RAB3B: variants seen among roughly 807,000 people sequenced by gnomAD.
RAB3B encodes ras-related protein Rab-3B.
RAB3B carries 11 observed loss-of-function variants against 20.5 expected under a neutral mutation model. The observed-to-expected ratio is 0.54, with a 90% CI of 0.34 to 0.89. The LOEUF is 0.89. Ranked by LOEUF, RAB3B falls within the 40% of genes least tolerant of loss-of-function variation. The pLI is 0.02. For missense variants in RAB3B, 225 were observed against 280.9 expected (o/e 0.80, Z 1.42); for synonymous variants, 99 against 106.3 (o/e 0.93, Z 0.42).
At chr1:51,924,811 C>T (rs917505707) in intron 4 of RAB3B, among the ~76,000 whole-genome samples, 4 of 152,104 alleles carry the variant, frequency 2.6e-5, no homozygotes, top group Non-Finnish European at 4.4e-5. Flanking sequence ...ATTAGTAGGT[C>T]CATATGGTAA....
chr1:51,972,489 CTTTTTTTTT>C (rs1160625371), intron 2 of RAB3B, among the ~76,000 whole-genome samples: 1 of 130,868 alleles, frequency 7.6e-6, no homozygotes, highest in South Asian at 2.4e-4. Context: ...TTTCTTTTTT[CTTTTTTTTT>C]TTTTTTTTGA....
chr1:51,935,874 G>A (rs989820554), intron 3 of RAB3B, among the ~76,000 whole-genome samples: 2 of 152,108 alleles, frequency 1.3e-5, no homozygotes, highest in Non-Finnish European at 2.9e-5. Context: ...GGACAGAAAG[G>A]AGGAAGAAGA....
chr1:51,938,126 G>A (rs558510858), intron 2 of RAB3B, among the ~76,000 whole-genome samples: 5 of 150,332 alleles, frequency 3.3e-5, no homozygotes, highest in South Asian at 4.2e-4. Flanking sequence ...CTCAGTCTCC[G>A]AGTAGCTGGG....
At chr1:51,940,948 C>A (rs1424099870) in intron 2 of RAB3B, among the ~76,000 whole-genome samples, 1 of 151,700 alleles carries the variant, frequency 6.6e-6, no homozygotes, top group Admixed American at 6.6e-5. Context: ...TTTCACTGGC[C>A]AAAGCAAGTC....
chr1:51,931,647 G>A (rs919294567), intron 4 of RAB3B, among the ~76,000 whole-genome samples: 4 of 152,074 alleles, frequency 2.6e-5, no homozygotes, highest in African/African-American at 7.2e-5. Flanking sequence ...GGGAACTTTC[G>A]GGAGACAGAC....
intron 2 of RAB3B, among the ~76,000 whole-genome samples, chr1:51,970,081 A>C (rs914591683): frequency 1.9e-4 from 28 of 150,826 alleles, no homozygotes; most frequent in Admixed American, 3.3e-4. Context: ...AAAAAAAAAA[A>C]CCCAAAAAAC....
At chr1:51,920,639 C>G (rs1176430124) in intron 4 of RAB3B, among the ~76,000 whole-genome samples, 1 of 152,170 alleles carries the variant, frequency 6.6e-6, no homozygotes, top group African/African-American at 2.4e-5. Context: ...CTCCACTTCA[C>G]TAATACAAAC....
intron 2 of RAB3B, among the ~76,000 whole-genome samples, chr1:51,949,329 C>T (rs867188645): frequency 1.3e-5 from 2 of 152,220 alleles, no homozygotes; most frequent in African/African-American, 4.8e-5. Context: ...CCACTAATTC[C>T]TCCCCTGCCC....
chr1:51,961,984 C>T (rs1436344080), intron 2 of RAB3B, among the ~76,000 whole-genome samples: 1 of 152,120 alleles, frequency 6.6e-6, no homozygotes, highest in African/African-American at 2.4e-5. Context: ...GTTGGCAAGG[C>T]CGGTCTCAAA....
In RAB3B at chr1:51,940,325, TA is replaced by T. The variant is rs199642882; in HGVS notation, c.229-2914del. Reference sequence around the variant, plus strand: ...TGTCATCAGCACCAGATAAGTGGTATAAAAAAAAATGAGTTGGCTGGGCATG... The same window carrying T: ...TGTCATCAGCACCAGATAAGTGGTATAAAAAAAATGAGTTGGCTGGGCATG... On this transcript the variant is annotated intron_variant, in intron 2 of 4. Transcript: ENST00000371655. 1.7e-3 allele frequency among the ~76,000 whole-genome samples: 254 copies of T among 151,424 alleles called. 1 individual carries two copies. The highest frequency in any genetic ancestry group is 5.2e-3 in the African/African-American group (216 of 41,334).
At chr1:51,921,185 T>G (rs901565443) in intron 4 of RAB3B, among the ~76,000 whole-genome samples, 1 of 152,112 alleles carries the variant, frequency 6.6e-6, no homozygotes, top group African/African-American at 2.4e-5. Context: ...CCACTTCTGT[T>G]GTCTGTCTGC....
At chr1:51,932,971 T>C (rs1378803670) in intron 4 of RAB3B, among the ~76,000 whole-genome samples, 5 of 151,940 alleles carry the variant, frequency 3.3e-5, no homozygotes, top group African/African-American at 1.2e-4. Context: ...TTTTCTCACT[T>C]ACTTATTTAT....
At position 51,911,320 on chromosome 1, in the gene RAB3B, A is replaced by G. The variant is rs1013591769; in HGVS notation, c.*8607T>C. On this transcript the variant is annotated 3_prime_UTR_variant, in exon 5 of 5. Coordinates refer to ENST00000371655, the MANE Select transcript of RAB3B (RefSeq NM_002867.4). Reference sequence around the variant, plus strand: ...GAGACGAGGGTAGGCTTCTTTTCAGATTATACATTCTGGATCAGAAAGTCT... The same window carrying G: ...GAGACGAGGGTAGGCTTCTTTTCAGGTTATACATTCTGGATCAGAAAGTCT... 1 of 152,186 alleles carries G rather than the reference A, an allele frequency of 6.6e-6. No homozygotes were observed. 9.4% of individuals were successfully genotyped at this position (152,186 alleles called of 1,614,324 possible).
chr1:51,971,010 C>CAAAAAAAAAAA (rs3074914), intron 2 of RAB3B, among the ~76,000 whole-genome samples: 1 of 55,712 alleles, frequency 1.8e-5, no homozygotes, highest in Non-Finnish European at 4.0e-5. Context: ...GACTCCGTCT[C>CAAAAAAAAAAA]AAAAAAAAAA....
At chr1:51,989,526 C>A (rs1169502210) in intron 1 of RAB3B, among the ~76,000 whole-genome samples, 1 of 151,934 alleles carries the variant, frequency 6.6e-6, no homozygotes, top group African/African-American at 2.4e-5. Context: ...CACCCTTACA[C>A]CACGACCCAC....
chr1:51,909,774 A>G lies in RAB3B; in HGVS notation c.*10153T>C, dbSNP rs1261890084. On this transcript the variant is annotated 3_prime_UTR_variant, in exon 5 of 5. Transcript: ENST00000371655. ...AGTTCAAGCTCCATCTCCTACTTAC[A>G]CAATGCCCCTTCTCTTGCTCCTTTG... 2 of 152,316 alleles carry G rather than the reference A, an allele frequency of 1.3e-5. No individual in the cohort carries two copies. Among genetic ancestry groups the G allele is most frequent in the African/African-American group, 2.4e-5 (1 of 41,458 alleles). 9.4% of individuals were successfully genotyped at this position (152,316 alleles called of 1,614,324 possible). A position where few individuals can be genotyped will look rare whatever the true frequency, so the allele number is the denominator to read the frequency against.
At chr1:51,937,441 CT>C in intron 2 of RAB3B, 29 bp from the exon 3 acceptor site, 1 of 1,468,910 alleles carries the variant, frequency 6.8e-7, no homozygotes, top group Non-Finnish European at 9.2e-7. Context: ...GAAACAATCT[CT>C]TAGAAAGTCT....
At chr1:51,969,624 T>C (rs1052485580) in intron 2 of RAB3B, among the ~76,000 whole-genome samples, 1 of 152,202 alleles carries the variant, frequency 6.6e-6, no homozygotes, top group Non-Finnish European at 1.5e-5. Flanking sequence ...AAGGCTTTTT[T>C]TTTTCCATTA....
chr1:51,974,781 T>C (rs1684984914), intron 2 of RAB3B, among the ~76,000 whole-genome samples: 2 of 152,262 alleles, frequency 1.3e-5, no homozygotes, highest in South Asian at 2.1e-4. Context: ...AAGTAGTACC[T>C]ACTTCATAGT....
Sources: allele counts gnomAD v4.1 joint callset (sites outside exome capture counted in the v4.1 genomes callset), GRCh38; gene constraint gnomAD v4.1.1; transcripts MANE v1.5; gene names NCBI Gene and HGNC (gene_info 2026-07-23, HGNC 2026-07-21).